CDK13: variants seen among roughly 807,000 people sequenced by gnomAD.
CDK13 encodes the protein cyclin dependent kinase 13, also known as cyclin-dependent kinase 13.
In CDK13, 40 loss-of-function variants were observed where a neutral mutation model predicts 137.6. The ratio of observed to expected loss-of-function variants is 0.29; its 90% CI spans 0.23 to 0.38. The LOEUF is 0.38. Ranked by LOEUF, CDK13 falls within the 10% of genes least tolerant of loss-of-function variation. CDK13 has a pLI of 1.00. For missense variants in CDK13, 1,704 were observed against 1,951.8 expected, an observed-to-expected ratio of 0.87 and a Z score of 2.39; for synonymous variants, 869 against 760.1, an observed-to-expected ratio of 1.14 and a Z score of -2.36.
At chr7:40,078,979 T>G in intron 11 of CDK13, 128 bp downstream of exon 11, 2 of 274,536 alleles carry the variant, frequency 7.3e-6, no homozygotes, top group Non-Finnish European at 1.2e-5. Context: ...AAAGGAAAGA[T>G]AAAACAGCAG....
rs1211695765 is a variant in CDK13 at position 40,001,964 on chromosome 7, G to C, written c.2286G>C (p.Gln762His). 6.2e-7 allele frequency: 1 copy of C among 1,610,680 alleles called. No individual in the cohort carries two copies. The highest frequency in any genetic ancestry group is 1.1e-5 in the South Asian group (1 of 90,924). The change falls in exon 5 of 14, where the codon CAG becomes CAC. Residue 762 changes from glutamine to histidine, a missense_variant. Gln to His is a conservative substitution (Grantham distance 24). Coordinates refer to ENST00000181839, the MANE Select transcript of CDK13 (RefSeq NM_003718.5). ...AAATTCTCCGGCAGCTTACCCATCAGAGTATTATCAATATGAAGGAAATAG... is the reference window on the plus strand; with the variant it reads ...AAATTCTCCGGCAGCTTACCCATCACAGTATTATCAATATGAAGGAAATAG... ...EIKILRQLTH[Q>H]SIINMKEIVT...
chr7:40,030,504 C>T (rs1403024633), intron 5 of CDK13, among the ~76,000 whole-genome samples: 1 of 141,054 alleles, frequency 7.1e-6, no homozygotes, highest in Non-Finnish European at 1.5e-5. Flanking sequence ...GCCATTTCAG[C>T]TCACTGCAAC....
Position 40,045,432 on chromosome 7 carries a change from C to CT in CDK13, c.2354-387dup, listed in dbSNP as rs11362792. Among the ~76,000 whole-genome samples the CT allele has an allele frequency of 4.5e-3, 584 of 130,784 alleles. 2 individuals carry two copies. The highest frequency in any genetic ancestry group is 0.018 in the Middle Eastern group (4 of 224). The allele number at this position is 130,784 out of a possible 152,430, so 85.8% of individuals were successfully genotyped here. ...CCTAACATCTTTCTTGGCCTGTACT[C>CT]TTTTTTTTTTTTTTTTTAATTAAAA... is the stretch of plus-strand genomic sequence containing the variant. On this transcript the variant is annotated intron_variant, in intron 5 of 13. Coordinates refer to ENST00000181839, the MANE Select transcript of CDK13 (RefSeq NM_003718.5).
At chr7:40,066,755 A>G (rs1786288728) in intron 9 of CDK13, 2 of 152,238 alleles carry the variant, frequency 1.3e-5, no homozygotes, top group South Asian at 4.1e-4. Flanking sequence ...GGTTTGTACA[A>G]GAGAGCTAAT....
intron 2 of CDK13, 33 bp downstream of exon 2, chr7:39,988,291 C>G (rs2116270207): frequency 6.6e-7 from 1 of 1,518,274 alleles, no homozygotes; most frequent in Non-Finnish European, 8.9e-7. Flanking sequence ...AATAACTGTT[C>G]AAAGAAAAAA....
At chr7:39,987,081 C>CGAT (rs1784355140) in intron 1 of CDK13, 1 of 152,266 alleles carries the variant, frequency 6.6e-6, no homozygotes, top group African/African-American at 2.4e-5. Flanking sequence ...TGAGACATCA[C>CGAT]GCCTGGCTGT....
At chr7:40,052,565 T>C (rs778941509) in intron 7 of CDK13, among the ~76,000 whole-genome samples, 4 of 152,164 alleles carry the variant, frequency 2.6e-5, no homozygotes, top group Non-Finnish European at 5.9e-5. Context: ...TTCCATATGA[T>C]GATCCAGTAA....
intron 5 of CDK13, among the ~76,000 whole-genome samples, chr7:40,020,968 G>A (rs1417936613): frequency 1.3e-5 from 2 of 152,124 alleles, no homozygotes; most frequent in Non-Finnish European, 2.9e-5. Flanking sequence ...GTGGGTGCCT[G>A]TAGTCCCAGC....
intron 1 of CDK13, among the ~76,000 whole-genome samples, chr7:39,969,096 A>C (rs1016027008): frequency 6.6e-6 from 1 of 151,644 alleles, no homozygotes; most frequent in Non-Finnish European, 1.5e-5. Context: ...TGCAACCTCT[A>C]CCTCCCAGGT....
intron 1 of CDK13, among the ~76,000 whole-genome samples, chr7:39,969,671 A>T (rs1783951454): frequency 2.1e-5 from 3 of 144,896 alleles, no homozygotes; most frequent in Non-Finnish European, 3.1e-5. Flanking sequence ...AATAAGACTT[A>T]TTTTTTTTTT....
At chr7:39,953,090 G>A (rs1054341382) in intron 1 of CDK13, among the ~76,000 whole-genome samples, 1 of 152,132 alleles carries the variant, frequency 6.6e-6, no homozygotes, top group African/African-American at 2.4e-5. Flanking sequence ...ATACGAATAT[G>A]CATCTGCAAA....
intron 1 of CDK13, among the ~76,000 whole-genome samples, chr7:39,966,507 C>A (rs1028418035): frequency 1.3e-5 from 2 of 152,146 alleles, no homozygotes; most frequent in African/African-American, 4.8e-5. Context: ...GTTAGCCATT[C>A]ATCTAATTTT....
At chr7:40,046,909 C>T (rs1237947884) in intron 6 of CDK13, among the ~76,000 whole-genome samples, 4 of 144,636 alleles carry the variant, frequency 2.8e-5, no homozygotes, top group Non-Finnish European at 4.5e-5. Flanking sequence ...GCCTGAGGAA[C>T]GAGAATCGCT....
chr7:40,008,219 C>G (rs1188898347), intron 5 of CDK13, among the ~76,000 whole-genome samples: 1 of 152,182 alleles, frequency 6.6e-6, no homozygotes, highest in Non-Finnish European at 1.5e-5. Context: ...CCACATGTAG[C>G]TATTTAAGTT....
chr7:39,991,861 C>T (rs114327574), intron 2 of CDK13, among the ~76,000 whole-genome samples: 2,636 of 151,842 alleles, frequency 0.017, 70 homozygotes, highest in African/African-American at 0.059. Context: ...AGAGGAGCCT[C>T]GGCAACATGG....
chr7:40,088,389 C>A, intron 12 of CDK13, 58 bp downstream of exon 12: 3 of 1,307,682 alleles, frequency 2.3e-6, no homozygotes, highest in South Asian at 1.2e-5. Flanking sequence ...TAATTCTGAT[C>A]ATATTGCTCT....
chr7:39,983,750 C>G (rs575230270), intron 1 of CDK13, among the ~76,000 whole-genome samples: 2 of 152,190 alleles, frequency 1.3e-5, no homozygotes, highest in South Asian at 4.1e-4. Flanking sequence ...GTTTGGAGCT[C>G]CAACAAAATC....
Position 39,951,727 on chromosome 7 carries a change from C to T in CDK13, c.1086C>T (p.Tyr362=), listed in dbSNP as rs772448396. ...SRRLPRSPSP[Y]SRRRSPSYSR... Reference sequence around the variant, plus strand: ...GGCTGCCGCGCTCCCCGAGCCCCTACAGTCGCCGCCGCTCCCCCAGCTACA... The same window carrying T: ...GGCTGCCGCGCTCCCCGAGCCCCTATAGTCGCCGCCGCTCCCCCAGCTACA... Residue 362 remains tyrosine (Y), a synonymous_variant, in exon 1 of 14, where the codon TAC becomes TAT. Transcript: ENST00000181839. 1.3e-6 allele frequency: 2 copies of T among 1,486,538 alleles called. No individual in the cohort carries two copies. Among genetic ancestry groups the T allele is most frequent in the Non-Finnish European group, 1.8e-6 (2 of 1,129,462 alleles). 92.1% of individuals were successfully genotyped at this position (1,486,538 alleles called of 1,614,324 possible).
In CDK13 at chr7:39,951,792, C is replaced by T. The variant is rs779771604; in HGVS notation, c.1151C>T (p.Pro384Leu). The change falls in exon 1 of 14, where the codon CCT becomes CTT. Residue 384 changes from proline (P) to leucine (L), a missense_variant. Around this residue, in one of 5 missense-constraint regions of CDK13, gnomAD observed 1,051 missense variants for 931.0 expected, o/e 1.13. Coordinates refer to ENST00000181839, the MANE Select transcript of CDK13 (RefSeq NM_003718.5). ...TACGAGCGGGGCGGCGACGTGTCCC[C>T]TAGTCCCTACAGCAGCAGCAGCTGG... Reference protein sequence around the residue: ...SSYERGGDVSPSPYSSSSWRR... With the variant: ...SSYERGGDVSLSPYSSSSWRR... 15 of 1,467,388 alleles carry T rather than the reference C, an allele frequency of 1.0e-5. No individual in the cohort carries two copies. The highest frequency in any genetic ancestry group is 2.6e-5 in the East Asian group (1 of 38,918). The allele number at this position is 1,467,388 out of a possible 1,614,324, so 90.9% of individuals were successfully genotyped here. A position where few individuals can be genotyped will look rare whatever the true frequency, so the allele number is the denominator to read the frequency against.
Sources: gnomAD v4.1 joint callset for allele counts (sites outside exome capture counted in the v4.1 genomes callset) on GRCh38, gnomAD v4.1.1 for gene constraint, gnomAD v4.1.1 regional missense constraint, MANE v1.5 for transcripts, NCBI Gene and HGNC (gene_info 2026-07-23, HGNC 2026-07-21) for gene names.